PAFAH1B2: variants seen among roughly 807,000 people sequenced by gnomAD.
PAFAH1B2 encodes platelet activating factor acetylhydrolase 1b catalytic subunit 2, also known as platelet-activating factor acetylhydrolase IB subunit alpha2.
A neutral mutation model predicts 28.0 loss-of-function variants in PAFAH1B2; 8 were observed. The ratio of observed to expected loss-of-function variants is 0.29; its 90% CI spans 0.17 to 0.52. PAFAH1B2 has a LOEUF of 0.52. PAFAH1B2 is among the 20% of genes least tolerant of loss of function. The pLI, the probability that PAFAH1B2 is intolerant of heterozygous loss-of-function variation, is 0.97. For missense variants in PAFAH1B2, 190 were observed against 282.6 expected (o/e 0.67, Z 2.35); for synonymous variants, 104 against 103.2 (o/e 1.01, Z -0.05).
chr11:117,169,959 C>T lies in PAFAH1B2; in HGVS notation c.*2260C>T. On this transcript the variant is annotated 3_prime_UTR_variant, in exon 6 of 6. Coordinates refer to ENST00000527958, the MANE Select transcript of PAFAH1B2 (RefSeq NM_002572.4). ...TGTGAGCTGGCCCTCAGCTCCTTTG[C>T]TCATGTGTACAAACCTCAGATGTTA... 1 of 1,052,822 alleles carries T rather than the reference C, an allele frequency of 9.5e-7. No individual in the cohort carries two copies. Among genetic ancestry groups the T allele is most frequent in the South Asian group, 4.6e-5 (1 of 21,876 alleles). 65.2% of individuals were successfully genotyped at this position (1,052,822 alleles called of 1,614,324 possible).
chr11:117,165,312 T>G (rs968368880), intron 5 of PAFAH1B2, among the ~76,000 whole-genome samples: 74 of 144,170 alleles, frequency 5.1e-4, no homozygotes, highest in Admixed American at 1.4e-4. Flanking sequence ...ATCGTGCCAC[T>G]GCACTCCAGC....
In PAFAH1B2 at chr11:117,168,445, C is replaced by CTTTTTTTTTTTT. The variant is rs1565274998; in HGVS notation, c.*746_*747insTTTTTTTTTTTT. The stretch of plus-strand genomic sequence containing the variant: ...TTCCCCTTCATTCCCCCCGCCACCC[C>CTTTTTTTTTTTT]GTTTTTTTTTTTTTTTTTTTTTTTT... On this transcript the variant is annotated 3_prime_UTR_variant, in exon 6 of 6. Transcript: ENST00000527958. 14 of 354,290 alleles carry CTTTTTTTTTTTT rather than the reference C, an allele frequency of 4.0e-5. No individual in the cohort carries two copies. Among genetic ancestry groups the CTTTTTTTTTTTT allele is most frequent in the South Asian group, 1.0e-4 (1 of 9,812 alleles). The allele number at this position is 354,290 out of a possible 1,614,324, so 21.9% of individuals were successfully genotyped here.
chr11:117,174,359 T>G (rs1490885975), downstream of PAFAH1B2, among the ~76,000 whole-genome samples: 27 of 151,594 alleles, frequency 1.8e-4, no homozygotes, highest in Admixed American at 1.8e-3. Flanking sequence ...AATTTTTGTG[T>G]TTTTATCAGA....
intron 4 of PAFAH1B2, 54 bp from the exon 5 acceptor site, chr11:117,163,716 C>A (rs995635487): frequency 2.3e-5 from 36 of 1,549,116 alleles, no homozygotes; most frequent in Non-Finnish European, 3.1e-5. Flanking sequence ...GTTGGACGTT[C>A]CTTTGTTCCT....
intron 5 of PAFAH1B2, among the ~76,000 whole-genome samples, chr11:117,164,815 C>T (rs1956464953): frequency 6.6e-6 from 1 of 151,740 alleles, no homozygotes. Context: ...GCGGGTGGAT[C>T]ACAAGGTCAG....
At chr11:117,150,496 C>A (rs1956125170) in intron 1 of PAFAH1B2, among the ~76,000 whole-genome samples, 1 of 151,392 alleles carries the variant, frequency 6.6e-6, no homozygotes, top group Non-Finnish European at 1.5e-5. Flanking sequence ...ATTCTAGTAT[C>A]ATTTAGAACT....
rs1956636384 is a variant in PAFAH1B2 at position 117,170,869 on chromosome 11, C to G, written c.*3170C>G. The stretch of plus-strand genomic sequence containing the variant: ...TGAGTTAGGGCCTCTTGAAAGGAGG[C>G]TTTTTGGAGAGGGGTCCCCCAGGTT... On this transcript the variant is annotated 3_prime_UTR_variant, in exon 6 of 6. Coordinates refer to ENST00000527958, the MANE Select transcript of PAFAH1B2 (RefSeq NM_002572.4). 1 of 1,060,660 alleles carries G rather than the reference C, an allele frequency of 9.4e-7. No homozygotes were observed. The highest frequency in any genetic ancestry group is 5.4e-5 in the Admixed American group (1 of 18,596). 65.7% of individuals were successfully genotyped at this position (1,060,660 alleles called of 1,614,324 possible).
intron 4 of PAFAH1B2, among the ~76,000 whole-genome samples, chr11:117,161,824 A>T (rs190604517): frequency 2.0e-5 from 3 of 152,206 alleles, no homozygotes; most frequent in South Asian, 2.1e-4. Flanking sequence ...AAGAGATTTG[A>T]TGCTAACGAG....
intron 1 of PAFAH1B2, among the ~76,000 whole-genome samples, chr11:117,151,373 G>A (rs1956147929): frequency 6.6e-6 from 1 of 151,712 alleles, no homozygotes; most frequent in Admixed American, 6.6e-5. Context: ...GGGACTACAG[G>A]TGCATGCCAC....
rs1565260556 is a variant in PAFAH1B2 at position 117,149,429 on chromosome 11, C to CTTTTTTTTTTTT, written c.-7-3012_-7-3011insTTTTTTTTTTTT. On this transcript the variant is annotated intron_variant, in intron 1 of 5. Transcript: ENST00000527958. ...TTTAATTTAAAAAAAGTTTTCTAAT[C>CTTTTTTTTTTTT]GTTTTTTTTTTTTTTGAGATGGAGT... 9.5e-3 allele frequency among the ~76,000 whole-genome samples: 316 copies of CTTTTTTTTTTTT among 33,322 alleles called. 9 individuals are homozygous for CTTTTTTTTTTTT. Among genetic ancestry groups the CTTTTTTTTTTTT allele is most frequent in the East Asian group, 0.024 (64 of 2,692 alleles). 21.9% of individuals were successfully genotyped at this position (33,322 alleles called of 152,430 possible).
chr11:117,160,044 C>T (rs1243960561), intron 3 of PAFAH1B2, 21 bp downstream of exon 3: 4 of 1,554,808 alleles, frequency 2.6e-6, no homozygotes, highest in East Asian at 2.2e-5. Flanking sequence ...AAGGGATGAG[C>T]GTGGTTCTTG....
In PAFAH1B2 at chr11:117,169,827, T is replaced by A. The variant is rs1304708094; in HGVS notation, c.*2128T>A. ...GGAAAGACAGTTTTCTATCCACGTC[T>A]TTTTCTGTTTGTCAGAAGGTGGGAG... On this transcript the variant is annotated 3_prime_UTR_variant, in exon 6 of 6. Coordinates refer to ENST00000527958, the MANE Select transcript of PAFAH1B2 (RefSeq NM_002572.4). 1.1e-5 allele frequency: 12 copies of A among 1,054,932 alleles called. No homozygotes were observed. Among genetic ancestry groups the A allele is most frequent in the African/African-American group, 1.7e-5 (1 of 60,502 alleles). The allele number at this position is 1,054,932 out of a possible 1,614,324, so 65.3% of individuals were successfully genotyped here. A position where few individuals can be genotyped will look rare whatever the true frequency, so the allele number is the denominator to read the frequency against.
intron 2 of PAFAH1B2, among the ~76,000 whole-genome samples, chr11:117,158,640 CTTTTT>C (rs11327233): frequency 2.4e-5 from 2 of 81,840 alleles, no homozygotes; most frequent in Non-Finnish European, 5.0e-5. Context: ...AGTTTGTGGG[CTTTTT>C]TTTTTTTTTT....
chr11:117,146,991 G>A (rs1251180314), intron 1 of PAFAH1B2, among the ~76,000 whole-genome samples: 1 of 152,070 alleles, frequency 6.6e-6, no homozygotes, highest in East Asian at 1.9e-4. Flanking sequence ...AAAGCCGGCC[G>A]GGCGTGGTGG....
At position 117,170,064 on chromosome 11, in the gene PAFAH1B2, C is replaced by G; in HGVS notation, c.*2365C>G. The G allele has an allele frequency of 9.5e-7, 1 of 1,055,824 alleles. No individual in the cohort carries two copies. The highest frequency in any genetic ancestry group is 1.1e-6 in the Non-Finnish European group (1 of 873,432). The allele number at this position is 1,055,824 out of a possible 1,614,324, so 65.4% of individuals were successfully genotyped here. On this transcript the variant is annotated 3_prime_UTR_variant, in exon 6 of 6. Transcript: ENST00000527958. ...TTTTAAATAAAATTCTGCCCCATTA[C>G]TGATGTGCAGATATTGAGTTCACTT...
At chr11:117,148,415 C>T (rs1008940978) in intron 1 of PAFAH1B2, among the ~76,000 whole-genome samples, 1 of 152,134 alleles carries the variant, frequency 6.6e-6, no homozygotes, top group African/African-American at 2.4e-5. Flanking sequence ...CTTTGGAAGT[C>T]TGTCACTCTG....
chr11:117,177,708 A>G (rs2030061777), downstream of PAFAH1B2, among the ~76,000 whole-genome samples: 1 of 152,130 alleles, frequency 6.6e-6, no homozygotes, highest in Non-Finnish European at 1.5e-5. Context: ...CTAATTTTGT[A>G]TTTTTATAGT....
downstream of PAFAH1B2, chr11:117,174,840 C>T: frequency 8.2e-7 from 1 of 1,217,070 alleles, no homozygotes; most frequent in South Asian, 1.5e-5. Flanking sequence ...GTCTCAAACT[C>T]CTGACTTCAG....
Position 117,167,865 on chromosome 11 carries a change from A to G in PAFAH1B2, c.*166A>G. On this transcript the variant is annotated 3_prime_UTR_variant, in exon 6 of 6. Coordinates refer to ENST00000527958, the MANE Select transcript of PAFAH1B2 (RefSeq NM_002572.4). ...AGGGATTTAAACTGGTCCTGTACAT[A>G]GAAGGTTTGTTTGACAGAGGAGAAA... 1.6e-6 allele frequency: 2 copies of G among 1,231,588 alleles called. No individual in the cohort carries two copies. The highest frequency in any genetic ancestry group is 3.2e-5 in the East Asian group (1 of 31,010). The allele number at this position is 1,231,588 out of a possible 1,614,324, so 76.3% of individuals were successfully genotyped here.
Sources: allele counts gnomAD v4.1 joint callset (sites outside exome capture counted in the v4.1 genomes callset), GRCh38; gene constraint gnomAD v4.1.1; transcripts MANE v1.5; gene names NCBI Gene and HGNC (gene_info 2026-07-23, HGNC 2026-07-21).